FSTL4: variants seen among roughly 807,000 people sequenced by gnomAD.
The protein encoded by FSTL4 is follistatin like 4.
Under a neutral mutation model 78.2 loss-of-function variants are expected in FSTL4, and 28 were observed. The observed-to-expected ratio is 0.36, with a 90% CI of 0.27 to 0.49. The LOEUF (loss-of-function observed/expected upper bound fraction) is 0.49. FSTL4 is among the 20% of genes least tolerant of loss of function. The pLI is 0.98. For missense variants in FSTL4, 922 were observed against 1,084.9 expected (o/e 0.85, Z 2.11); for synonymous variants, 422 against 440.5 (o/e 0.96, Z 0.53).
At chr5:133,523,414 C>A (rs529355993) in intron 3 of FSTL4, among the ~76,000 whole-genome samples, 1 of 152,244 alleles carries the variant, frequency 6.6e-6, no homozygotes, top group African/African-American at 2.4e-5. Context: ...TGCGTGGGTG[C>A]AGAGTGGGAG....
In FSTL4 at chr5:133,316,583, T is replaced by G. The variant is rs747166247; in HGVS notation, c.479A>C (p.Gln160Pro). The change falls in exon 5 of 16, where the codon CAG becomes CCG. Residue 160 changes from glutamine (Q) to proline (P), a missense_variant. Physicochemically the swap from Gln to Pro is moderately conservative, Grantham distance 76. Transcript: ENST00000265342. The part of the protein sequence containing the change: ...NVLLALQTRL[Q>P]PLQEGDSRQD... ...TCTGCTGTCTCCTTCTTGGAGTGGC[T>G]GCAGACGGGTCTGGAGTGCCAGAAG... 5.6e-6 allele frequency: 9 copies of G among 1,613,990 alleles called. No individual in the cohort carries two copies. The highest frequency in any genetic ancestry group is 2.2e-5 in the East Asian group (1 of 44,888).
At chr5:133,598,188 C>T (rs999371113) in intron 2 of FSTL4, among the ~76,000 whole-genome samples, 1 of 152,090 alleles carries the variant, frequency 6.6e-6, no homozygotes, top group African/African-American at 2.4e-5. Context: ...TAAAAAAAGG[C>T]CAGAGTCAAT....
intron 4 of FSTL4, among the ~76,000 whole-genome samples, chr5:133,368,726 C>T (rs764732251): frequency 3.9e-5 from 6 of 152,174 alleles, no homozygotes; most frequent in Non-Finnish European, 8.8e-5. Context: ...AGAACAGAAC[C>T]GGTGGGTAGT....
chr5:133,652,241 T>C, the FSTL4 span, among the ~76,000 whole-genome samples: 4 of 152,100 alleles, frequency 2.6e-5, no homozygotes, highest in African/African-American at 9.6e-5. Flanking sequence ...TTCTTTTTAA[T>C]TTTATTGATT....
intron 6 of FSTL4, among the ~76,000 whole-genome samples, chr5:133,259,524 T>TTC: frequency 6.7e-6 from 1 of 150,028 alleles, no homozygotes; most frequent in African/African-American, 2.4e-5. Flanking sequence ...TTTTCTTTTT[T>TTC]TTTTTTTTTT....
At chr5:133,780,733 T>A in the FSTL4 span, among the ~76,000 whole-genome samples, 1 of 146,538 alleles carries the variant, frequency 6.8e-6, no homozygotes, top group South Asian at 2.3e-4. Context: ...AATAACCCGA[T>A]GAGGTAGGTA....
At chr5:133,310,413 C>T (rs1753752486) in intron 6 of FSTL4, among the ~76,000 whole-genome samples, 1 of 152,182 alleles carries the variant, frequency 6.6e-6, no homozygotes, top group Non-Finnish European at 1.5e-5. Flanking sequence ...GACGTCCTTC[C>T]CTTTCCAGGG....
At chr5:133,476,324 C>T (rs910171595) in intron 3 of FSTL4, among the ~76,000 whole-genome samples, 4 of 152,292 alleles carry the variant, frequency 2.6e-5, no homozygotes, top group Middle Eastern at 3.4e-3. Context: ...CTTATGGCCC[C>T]TCGACCGCCT....
At chr5:133,800,460 G>A in the FSTL4 span, among the ~76,000 whole-genome samples, 1 of 138,750 alleles carries the variant, frequency 7.2e-6, no homozygotes, top group East Asian at 2.0e-4. Flanking sequence ...GTGCATAAAT[G>A]TCATAATGTT....
intron 6 of FSTL4, among the ~76,000 whole-genome samples, chr5:133,284,693 G>A (rs746378791): frequency 2.6e-4 from 40 of 152,162 alleles, no homozygotes; most frequent in Admixed American, 4.6e-4. Context: ...AGGCATCCAA[G>A]ATTTGGATGA....
chr5:133,461,260 G>A (rs1321559885), intron 3 of FSTL4, among the ~76,000 whole-genome samples: 1 of 152,108 alleles, frequency 6.6e-6, no homozygotes, highest in Non-Finnish European at 1.5e-5. Flanking sequence ...TTCAATCCAC[G>A]ACACAATATT....
At chr5:133,522,025 C>T (rs1758991380) in intron 3 of FSTL4, among the ~76,000 whole-genome samples, 1 of 152,128 alleles carries the variant, frequency 6.6e-6, no homozygotes, top group South Asian at 2.1e-4. Context: ...CTTCAGGAGA[C>T]ACTGTGCAAA....
At chr5:133,805,470 A>G in the FSTL4 span, among the ~76,000 whole-genome samples, 3 of 152,216 alleles carry the variant, frequency 2.0e-5, no homozygotes, top group Non-Finnish European at 2.9e-5. Context: ...ATGAAAAGAA[A>G]TGTGCAGAAA....
At chr5:133,390,446 G>C (rs925600622) in intron 4 of FSTL4, among the ~76,000 whole-genome samples, 3 of 152,268 alleles carry the variant, frequency 2.0e-5, no homozygotes, top group Non-Finnish European at 1.5e-5. Context: ...TTAGCCTGGA[G>C]AATACATGTG....
the FSTL4 span, among the ~76,000 whole-genome samples, chr5:133,797,031 T>A: frequency 6.6e-6 from 1 of 152,146 alleles, no homozygotes; most frequent in Non-Finnish European, 1.5e-5. Flanking sequence ...CTCTTGTTAA[T>A]GGAAAAAGCA....
chr5:133,726,311 A>G, the FSTL4 span, among the ~76,000 whole-genome samples: 2 of 152,304 alleles, frequency 1.3e-5, no homozygotes, highest in African/African-American at 4.8e-5. Flanking sequence ...GAACATTTAT[A>G]TACTTGGTAT....
intron 4 of FSTL4, among the ~76,000 whole-genome samples, chr5:133,326,936 C>T (rs2126903720): frequency 6.6e-6 from 1 of 152,350 alleles, no homozygotes; most frequent in East Asian, 1.9e-4. Context: ...CCTGTCCCTT[C>T]CATCACTTGG....
chr5:133,543,575 T>C (rs1369175985), intron 3 of FSTL4, among the ~76,000 whole-genome samples: 1 of 152,234 alleles, frequency 6.6e-6, no homozygotes, highest in Non-Finnish European at 1.5e-5. Context: ...ATGCCTCTAT[T>C]ATATTGTGTT....
chr5:133,633,538 T>G, the FSTL4 span, among the ~76,000 whole-genome samples: 1 of 152,240 alleles, frequency 6.6e-6, no homozygotes, highest in Non-Finnish European at 1.5e-5. Flanking sequence ...TGTTTCTAAT[T>G]GCTTACTGAA....
Sources: gnomAD v4.1 joint callset for allele counts (sites outside exome capture counted in the v4.1 genomes callset) on GRCh38, gnomAD v4.1.1 for gene constraint, MANE v1.5 for transcripts, NCBI Gene and HGNC (gene_info 2026-07-23, HGNC 2026-07-21) for gene names.